RGS21: variants seen among roughly 807,000 people sequenced by gnomAD.
RGS21 encodes regulator of G-protein signalling 21.
In RGS21, 19 loss-of-function variants were observed where a neutral mutation model predicts 18.7. The ratio of observed to expected loss-of-function variants is 1.01; its 90% CI spans 0.71 to 1.49. The LOEUF (loss-of-function observed/expected upper bound fraction) is 1.49. Among genes scored for constraint, RGS21 ranks in the 40% most tolerant of loss-of-function variants. The pLI is 0.00. For synonymous variants in RGS21, 56 were observed against 57.8 expected (o/e 0.97, Z 0.14); for missense variants, 194 against 176.8 (o/e 1.10, Z -0.55).
chr1:192,337,186 C>T (rs559217668), intron 1 of RGS21, among the ~76,000 whole-genome samples: 1 of 151,618 alleles, frequency 6.6e-6, no homozygotes, highest in South Asian at 2.1e-4. Flanking sequence ...ATCAGTGCCC[C>T]GAAATATTAA....
chr1:192,363,800 A>C (rs2102239584), intron 4 of RGS21, among the ~76,000 whole-genome samples: 1 of 151,890 alleles, frequency 6.6e-6, no homozygotes, highest in East Asian at 1.9e-4. Context: ...GAACCTAATA[A>C]TTTTTTTCTT....
At chr1:192,343,074 A>G (rs1658895582) in intron 2 of RGS21, 27 bp downstream of exon 2, 2 of 1,608,010 alleles carry the variant, frequency 1.2e-6, no homozygotes, top group Non-Finnish European at 8.5e-7. Context: ...AGCTATTTTT[A>G]TCTCAGAAGA....
In RGS21 at chr1:192,334,607, C is replaced by CA. The variant is rs542751145; in HGVS notation, c.-60-8364dup. ...TAATATATGTAAGAAACTTGGGACA[C>CA]AAAAAACACAGAAAAACACAGATGC... On this transcript the variant is annotated intron_variant, in intron 1 of 4. Transcript: ENST00000417209. Among the ~76,000 whole-genome samples the CA allele has an allele frequency of 4.6e-3, 693 of 151,622 alleles. 3 individuals carry two copies. Among genetic ancestry groups the CA allele is most frequent in the African/African-American group, 0.016 (662 of 41,366 alleles).
chr1:192,344,449 G>A (rs1658918174), intron 2 of RGS21, among the ~76,000 whole-genome samples: 1 of 151,958 alleles, frequency 6.6e-6, no homozygotes, highest in South Asian at 2.1e-4. Flanking sequence ...GGTAATATTG[G>A]AATAAAACAG....
At chr1:192,323,451 G>T (rs1287468505) in intron 1 of RGS21, among the ~76,000 whole-genome samples, 1 of 151,972 alleles carries the variant, frequency 6.6e-6, no homozygotes, top group African/African-American at 2.4e-5. Flanking sequence ...AAAGTAAAGA[G>T]AAACTGAAAT....
At chr1:192,354,609 T>G (rs1444945426) in intron 4 of RGS21, among the ~76,000 whole-genome samples, 1 of 151,736 alleles carries the variant, frequency 6.6e-6, no homozygotes, top group Non-Finnish European at 1.5e-5. Context: ...TTGGAAAATA[T>G]GATTTGCACA....
chr1:192,334,084 G>T (rs568784394), intron 1 of RGS21, among the ~76,000 whole-genome samples: 1 of 152,214 alleles, frequency 6.6e-6, no homozygotes, highest in East Asian at 1.9e-4. Context: ...ATTATAAAAA[G>T]ATGTATATAT....
In RGS21 at chr1:192,366,369, C is replaced by A; in HGVS notation, c.*245C>A. ...AAAGTTTATAGAGATACAATATAGT[C>A]TTAAACCAAAACTGAATATTCTTAT... is the stretch of plus-strand genomic sequence containing the variant. On this transcript the variant is annotated 3_prime_UTR_variant, in exon 5 of 5. Coordinates refer to ENST00000417209, the MANE Select transcript of RGS21 (RefSeq NM_001039152.3). 5.7e-6 allele frequency: 2 copies of A among 348,768 alleles called. No homozygotes were observed. The highest frequency in any genetic ancestry group is 7.4e-5 in the South Asian group (2 of 26,980). 21.6% of individuals were successfully genotyped at this position (348,768 alleles called of 1,614,324 possible). A position where few individuals can be genotyped will look rare whatever the true frequency, so the allele number is the denominator to read the frequency against.
intron 1 of RGS21, among the ~76,000 whole-genome samples, chr1:192,324,229 G>A (rs1202447085): frequency 6.6e-6 from 1 of 151,868 alleles, no homozygotes; most frequent in Non-Finnish European, 1.5e-5. Context: ...TTATATTTTG[G>A]TTGAAACAAA....
At chr1:192,349,144 A>C (rs1331834264) in intron 3 of RGS21, among the ~76,000 whole-genome samples, 1 of 152,124 alleles carries the variant, frequency 6.6e-6, no homozygotes, top group African/African-American at 2.4e-5. Context: ...TTACTGAATT[A>C]TCTCTCTGTG....
At chr1:192,343,172 A>AT (rs950376691) in intron 2 of RGS21, 125 bp downstream of exon 2, 9 of 954,662 alleles carry the variant, frequency 9.4e-6, no homozygotes, top group African/African-American at 4.9e-5. Context: ...TGTCTTCCTG[A>AT]TTTTTTCTCC....
At chr1:192,356,601 AT>A (rs2102236518) in intron 4 of RGS21, among the ~76,000 whole-genome samples, 1 of 151,964 alleles carries the variant, frequency 6.6e-6, no homozygotes, top group East Asian at 1.9e-4. Flanking sequence ...TAAGACCTTC[AT>A]TATAAATAAG....
At chr1:192,364,277 G>A (rs1229900255) in intron 4 of RGS21, among the ~76,000 whole-genome samples, 2 of 152,054 alleles carry the variant, frequency 1.3e-5, no homozygotes, top group Non-Finnish European at 2.9e-5. Context: ...GACTCAAGAA[G>A]GTAATCAAAG....
chr1:192,358,663 A>G (rs1462433624), intron 4 of RGS21, among the ~76,000 whole-genome samples: 1 of 152,120 alleles, frequency 6.6e-6, no homozygotes, highest in Admixed American at 6.6e-5. Flanking sequence ...AGGAAAGGCT[A>G]TCTAATTTGA....
At chr1:192,362,909 T>C (rs994218563) in intron 4 of RGS21, among the ~76,000 whole-genome samples, 6 of 152,088 alleles carry the variant, frequency 3.9e-5, no homozygotes, top group African/African-American at 1.4e-4. Context: ...CTAAAGGATG[T>C]TCAAAATGTA....
At position 192,361,542 on chromosome 1, in the gene RGS21, C is replaced by T. The variant is rs190255229; in HGVS notation, c.256-4379C>T. ...TCAAATCTGTTTAAAAAATCAATTCCGGAATTTTATTTTCCTTTTTTTTGA... is the reference window on the plus strand; with the variant it reads ...TCAAATCTGTTTAAAAAATCAATTCTGGAATTTTATTTTCCTTTTTTTTGA... On this transcript the variant is annotated intron_variant, in intron 4 of 4. Transcript: ENST00000417209. Among the ~76,000 whole-genome samples, 49 of 151,938 alleles carry T rather than the reference C, an allele frequency of 3.2e-4. 2 individuals are homozygous for T. In the East Asian group the frequency reaches 8.9e-3, roughly 28 times the overall value.
At chr1:192,347,619 T>G (rs939226911) in intron 3 of RGS21, among the ~76,000 whole-genome samples, 1 of 152,066 alleles carries the variant, frequency 6.6e-6, no homozygotes, top group African/African-American at 2.4e-5. Context: ...ATCTAGCAAG[T>G]GAAATTTTCC....
chr1:192,346,100 G>T (rs1423839645), intron 2 of RGS21, among the ~76,000 whole-genome samples: 1 of 152,044 alleles, frequency 6.6e-6, no homozygotes, highest in Non-Finnish European at 1.5e-5. Flanking sequence ...CCTACAACAG[G>T]AGAAGGAAAT....
rs138707624 is a variant in RGS21, at chr1:192,359,133, T to C, written c.256-6788T>C. ...TAGTGGTTTCAGAAATCTAAGATAA[T>C]TTATGACCTTTTGAAAAATAAGCAA... On this transcript the variant is annotated intron_variant, in intron 4 of 4. Transcript: ENST00000417209. 8.5e-5 allele frequency among the ~76,000 whole-genome samples: 13 copies of C among 152,196 alleles called. No individual in the cohort carries two copies. The East Asian group carries it at 2.3e-3, about 27-fold the overall frequency.
Sources: gnomAD v4.1 joint callset for allele counts (sites outside exome capture counted in the v4.1 genomes callset) on GRCh38, gnomAD v4.1.1 for gene constraint, MANE v1.5 for transcripts, NCBI Gene and HGNC (gene_info 2026-07-23, HGNC 2026-07-21) for gene names.